The following NDUFA9 variants were observed in gnomAD, a reference collection of about 807,000 sequenced individuals.
The protein encoded by NDUFA9 is NADH:ubiquinone oxidoreductase subunit A9, also known as NADH dehydrogenase [ubiquinone] 1 alpha subcomplex subunit 9, mitochondrial.
Under a neutral mutation model 45.9 loss-of-function variants are expected in NDUFA9, and 23 were observed. The observed-to-expected ratio is 0.50, with a 90% CI of 0.36 to 0.71. The LOEUF (loss-of-function observed/expected upper bound fraction) is 0.71, where lower values mean the gene tolerates loss of function less well. Ranked by LOEUF, NDUFA9 falls within the 30% of genes least tolerant of loss-of-function variation. NDUFA9 has a pLI of 0.00. For synonymous variants in NDUFA9, 176 were observed against 170.5 expected, an observed-to-expected ratio of 1.03 and a Z score of -0.25; for missense variants, 466 against 488.2, an observed-to-expected ratio of 0.95 and a Z score of 0.43.
At position 4,665,553 on chromosome 12, in the gene NDUFA9, G is replaced by A. The variant is rs891289158; in HGVS notation, c.656-2904G>A. 1.4e-4 allele frequency among the ~76,000 whole-genome samples: 22 copies of A among 152,242 alleles called. No individual in the cohort carries two copies. In the South Asian group the frequency reaches 2.5e-3, roughly 17 times the overall value. On this transcript the variant is annotated intron_variant, in intron 6 of 10. Transcript: ENST00000266544. Reference sequence around the variant, plus strand: ...AATGCTGCAATGACCATGGATGTACGAAATATCCCTGATTTCAGTTATTTG... The same window carrying A: ...AATGCTGCAATGACCATGGATGTACAAAATATCCCTGATTTCAGTTATTTG...
chr12:4,680,797 C>T (rs538462203), intron 8 of NDUFA9, among the ~76,000 whole-genome samples: 4 of 152,298 alleles, frequency 2.6e-5, no homozygotes, highest in Admixed American at 6.5e-5. Flanking sequence ...CTTCACTCAG[C>T]TCTTGGTTGT....
chr12:4,679,432 T>C (rs1375016095), intron 8 of NDUFA9, among the ~76,000 whole-genome samples: 2 of 152,230 alleles, frequency 1.3e-5, no homozygotes, highest in African/African-American at 2.4e-5. Flanking sequence ...ATGGGTAAGA[T>C]TTCTGCCTTT....
chr12:4,650,348 A>C (rs1300999643), intron 1 of NDUFA9, among the ~76,000 whole-genome samples: 1 of 152,196 alleles, frequency 6.6e-6, no homozygotes, highest in Non-Finnish European at 1.5e-5. Context: ...GTCTTTGCAA[A>C]GACATTTGCT....
At chr12:4,667,510 C>G (rs555367732) in intron 6 of NDUFA9, 22 of 204,756 alleles carry the variant, frequency 1.1e-4, no homozygotes, top group South Asian at 9.2e-4. Flanking sequence ...ATAATTTCTA[C>G]TCTTTTTTTT....
intron 8 of NDUFA9, among the ~76,000 whole-genome samples, chr12:4,678,765 G>A (rs951681156): frequency 3.3e-5 from 5 of 152,120 alleles, no homozygotes; most frequent in African/African-American, 9.7e-5. Flanking sequence ...TTCACAGAGA[G>A]AAAATAACAA....
chr12:4,654,974 AT>A, intron 3 of NDUFA9, 52 bp downstream of exon 3: 2 of 1,445,534 alleles, frequency 1.4e-6, no homozygotes, highest in Non-Finnish European at 1.9e-6. Context: ...TACTAAGGTC[AT>A]TTTTAGGAGT....
Position 4,693,375 on chromosome 12 carries a change from ATAAT to A in NDUFA9, c.*6271_*6274del, listed in dbSNP as rs1946027864. The A allele has an allele frequency of 6.6e-6, 1 of 152,228 alleles. No individual in the cohort carries two copies. Among genetic ancestry groups the A allele is most frequent in the Admixed American group, 6.5e-5 (1 of 15,284 alleles). The allele number at this position is 152,228 out of a possible 1,614,324, so 9.4% of individuals were successfully genotyped here. ...TAATTAGGATGCCCAGTGTTGTGTA[ATAAT>A]TAAAGCGTTAAATTTCCTCTCTGCC... On this transcript the variant is annotated 3_prime_UTR_variant, in exon 11 of 11. Transcript: ENST00000266544.
intron 6 of NDUFA9, among the ~76,000 whole-genome samples, chr12:4,664,192 TGA>T (rs2137470319): frequency 6.6e-6 from 1 of 152,290 alleles, no homozygotes; most frequent in South Asian, 2.1e-4. Context: ...TTGCAAAAAA[TGA>T]GAAAGCTTGT....
At chr12:4,658,447 G>A (rs1044929263) in intron 4 of NDUFA9, among the ~76,000 whole-genome samples, 19 of 152,128 alleles carry the variant, frequency 1.2e-4, no homozygotes, top group African/African-American at 3.9e-4. Context: ...GATTAACATA[G>A]TGTATTGTAC....
intron 8 of NDUFA9, among the ~76,000 whole-genome samples, chr12:4,677,455 G>C (rs1412570237): frequency 6.6e-6 from 1 of 152,004 alleles, no homozygotes; most frequent in Non-Finnish European, 1.5e-5. Context: ...AGATTTACAA[G>C]AAAAAAACTT....
At chr12:4,661,968 C>T (rs1399114608) in intron 5 of NDUFA9, among the ~76,000 whole-genome samples, 1 of 152,128 alleles carries the variant, frequency 6.6e-6, no homozygotes, top group Admixed American at 6.5e-5. Flanking sequence ...CATCATGTCA[C>T]CTCCAGTGGT....
At chr12:4,650,493 C>T (rs1048387628) in intron 1 of NDUFA9, among the ~76,000 whole-genome samples, 14 of 152,108 alleles carry the variant, frequency 9.2e-5, no homozygotes, top group Admixed American at 2.6e-4. Context: ...ACTTACTTTC[C>T]TCTGACTGAC....
At chr12:4,650,818 G>A (rs78398398) in intron 1 of NDUFA9, among the ~76,000 whole-genome samples, 166 of 152,274 alleles carry the variant, frequency 1.1e-3, no homozygotes, top group African/African-American at 3.8e-3. Flanking sequence ...GGTGAGAATG[G>A]AGTCATGAGG....
At chr12:4,684,413 C>G (rs959010819) in intron 9 of NDUFA9, among the ~76,000 whole-genome samples, 4 of 152,086 alleles carry the variant, frequency 2.6e-5, no homozygotes, top group Non-Finnish European at 5.9e-5. Flanking sequence ...ACTCCCAAAC[C>G]CTTGGCCCCC....
At chr12:4,651,746 C>T (rs1325598980) in intron 1 of NDUFA9, among the ~76,000 whole-genome samples, 1 of 152,064 alleles carries the variant, frequency 6.6e-6, no homozygotes, top group Non-Finnish European at 1.5e-5. Context: ...GTCCTCATTT[C>T]CTTACTCTTC....
chr12:4,686,914 C>T lies in NDUFA9; in HGVS notation c.964-24C>T, dbSNP rs766640819. 2.5e-6 allele frequency: 4 copies of T among 1,610,124 alleles called. No homozygotes were observed. In the South Asian group the frequency reaches 4.4e-5, roughly 18 times the overall value. ...GTTCTCAGCCAGTTTTCAGCATTGT[C>T]TGTGGTCCTTTGTTTATCCAAAGAT... On this transcript the variant is annotated intron_variant, in intron 10 of 10. Transcript: ENST00000266544.
At chr12:4,669,623 T>G (rs1346125570) in intron 7 of NDUFA9, 118 bp from the exon 8 acceptor site, 1 of 660,358 alleles carries the variant, frequency 1.5e-6, no homozygotes, top group African/African-American at 1.8e-5. Flanking sequence ...GTGGCCTTCC[T>G]CCTTTCTCCT....
At chr12:4,669,272 T>TGTTTTTGAA (rs1484085851) in intron 7 of NDUFA9, among the ~76,000 whole-genome samples, 1 of 152,238 alleles carries the variant, frequency 6.6e-6, no homozygotes, top group African/African-American at 2.4e-5. Context: ...CCAAAATCAC[T>TGTTTTTGAA]ATTACTATTA....
At chr12:4,681,878 A>T (rs556299275) in intron 8 of NDUFA9, among the ~76,000 whole-genome samples, 1 of 152,248 alleles carries the variant, frequency 6.6e-6, no homozygotes, top group African/African-American at 2.4e-5. Context: ...ATGCAGTGTA[A>T]TATGTTGTCA....
Sources: gnomAD v4.1 joint callset for allele counts (sites outside exome capture counted in the v4.1 genomes callset) on GRCh38, gnomAD v4.1.1 for gene constraint, MANE v1.5 for transcripts, NCBI Gene and HGNC (gene_info 2026-07-23, HGNC 2026-07-21) for gene names.